The following MPRIP variants were observed in gnomAD, a reference collection of about 807,000 sequenced individuals.
MPRIP encodes the protein myosin phosphatase Rho-interacting protein.
Under a neutral mutation model 234.9 loss-of-function variants are expected in MPRIP, and 59 were observed. The ratio of observed to expected loss-of-function variants is 0.25; its 90% confidence interval spans 0.20 to 0.31. The LOEUF (loss-of-function observed/expected upper bound fraction) is 0.31, where lower values mean the gene tolerates loss of function less well. MPRIP is among the 10% of genes least tolerant of loss of function. The pLI is 1.00. For synonymous variants in MPRIP, 1,144 were observed against 1,263.9 expected, an observed-to-expected ratio of 0.91 and a Z score of 2.01; for missense variants, 2,436 against 3,071.0, an observed-to-expected ratio of 0.79 and a Z score of 4.89.
chr17:17,160,328 C>T (rs527909675), intron 14 of MPRIP, among the ~76,000 whole-genome samples: 50 of 152,086 alleles, frequency 3.3e-4, no homozygotes, highest in Admixed American at 7.9e-4. Flanking sequence ...ATCGCACCAT[C>T]GTACTCCAGC....
At chr17:17,134,770 G>A (rs1438180805) in intron 5 of MPRIP, among the ~76,000 whole-genome samples, 3 of 152,352 alleles carry the variant, frequency 2.0e-5, no homozygotes, top group African/African-American at 4.8e-5. Context: ...GGCTGTGTGC[G>A]TGTGGGCCTG....
At chr17:17,123,703 CAAAAAAAAA>C (rs371753802) in intron 3 of MPRIP, among the ~76,000 whole-genome samples, 16 of 59,296 alleles carry the variant, frequency 2.7e-4, no homozygotes, top group South Asian at 7.0e-4. Context: ...GACTTCGTCT[CAAAAAAAAA>C]AAAAAAAAAA....
At chr17:17,070,352 G>A (rs1238490625) in intron 1 of MPRIP, among the ~76,000 whole-genome samples, 10 of 152,042 alleles carry the variant, frequency 6.6e-5, no homozygotes, top group Non-Finnish European at 1.2e-4. Context: ...CCCTTTTTCC[G>A]CTTCACCCTT....
At chr17:17,121,261 A>G (rs1172199066) in intron 3 of MPRIP, among the ~76,000 whole-genome samples, 1 of 152,260 alleles carries the variant, frequency 6.6e-6, no homozygotes, top group South Asian at 2.1e-4. Context: ...GGTAGAGCCT[A>G]TTGCTGCGAA....
At chr17:17,123,080 C>G (rs927450462) in intron 3 of MPRIP, among the ~76,000 whole-genome samples, 1 of 152,226 alleles carries the variant, frequency 6.6e-6, no homozygotes, top group Non-Finnish European at 1.5e-5. Context: ...GCGGAGGAAC[C>G]TTGAAAATAT....
chr17:17,182,031 C>T (rs2046383812), intron 23 of MPRIP: 1 of 152,208 alleles, frequency 6.6e-6, no homozygotes, highest in South Asian at 2.1e-4. Context: ...TCCTGCTGGC[C>T]CCAGCAGAAA....
At position 17,078,301 on chromosome 17, in the gene MPRIP, G is replaced by A. The variant is rs2089383338; in HGVS notation, c.267+225G>A. 1.4e-5 allele frequency among the ~76,000 whole-genome samples: 2 copies of A among 139,530 alleles called. No homozygotes were observed. Among genetic ancestry groups the A allele is most frequent in the South Asian group, 4.1e-4 (2 of 4,826 alleles). 91.5% of individuals were successfully genotyped at this position (139,530 alleles called of 152,430 possible). ...CTTCTGTGGTCTTGAGTGAGAGGAA[G>A]AAGTGAGGGAGGAAGTCATTTCTGT... On this transcript the variant is annotated intron_variant, in intron 3 of 23. Coordinates refer to ENST00000651222, the MANE Select transcript of MPRIP (RefSeq NM_001364716.4). This position sits in a 1 kb window ranked among gnomAD's most constrained non-coding sequence, Gnocchi z 4.3.
chr17:17,098,149 C>T lies in MPRIP; in HGVS notation c.267+20073C>T, dbSNP rs544384089. On this transcript the variant is annotated intron_variant, in intron 3 of 23. Coordinates refer to ENST00000651222, the MANE Select transcript of MPRIP (RefSeq NM_001364716.4). ...TTCCAATGCCAAGTAGTGGCATTCA[C>T]GCACCTTTTGATAAGCGAGGAAACC... is the stretch of plus-strand genomic sequence containing the variant. Among the ~76,000 whole-genome samples the T allele has an allele frequency of 1.1e-3, 174 of 152,240 alleles. 2 individuals are homozygous for T. The highest frequency in any genetic ancestry group is 4.6e-3 in the South Asian group (22 of 4,824).
chr17:17,104,832 C>T (rs1293425046), intron 3 of MPRIP, among the ~76,000 whole-genome samples: 1 of 152,174 alleles, frequency 6.6e-6, no homozygotes, highest in African/African-American at 2.4e-5. Flanking sequence ...GTATGGGCCA[C>T]CAGCTTTGTC....
chr17:17,056,786 C>T (rs1018167796), intron 1 of MPRIP, among the ~76,000 whole-genome samples: 3 of 152,116 alleles, frequency 2.0e-5, no homozygotes, highest in Non-Finnish European at 2.9e-5. Flanking sequence ...TCACCCCCGC[C>T]TTTAGTCCCC....
intron 3 of MPRIP, among the ~76,000 whole-genome samples, chr17:17,115,957 G>A (rs891853564): frequency 3.9e-5 from 6 of 152,120 alleles, no homozygotes; most frequent in South Asian, 2.1e-4. Flanking sequence ...CTTTGCACAC[G>A]TGTCATCCTG....
At chr17:17,065,334 T>C (rs542259766) in intron 1 of MPRIP, among the ~76,000 whole-genome samples, 1 of 152,338 alleles carries the variant, frequency 6.6e-6, no homozygotes, top group Admixed American at 6.5e-5. Flanking sequence ...ATGTTTCATT[T>C]TGTCTTGTTT....
intron 3 of MPRIP, among the ~76,000 whole-genome samples, chr17:17,104,252 A>G (rs1281464999): frequency 2.6e-5 from 4 of 152,178 alleles, no homozygotes; most frequent in Non-Finnish European, 4.4e-5. Flanking sequence ...TGCACCATCT[A>G]ACATGGTGCC....
intron 1 of MPRIP, among the ~76,000 whole-genome samples, chr17:17,055,629 A>G (rs1164711168): frequency 7.9e-5 from 12 of 152,116 alleles, no homozygotes; most frequent in Non-Finnish European, 1.5e-5. Context: ...CCTGAGAACG[A>G]GCTCTTCTAA....
At position 17,073,997 on chromosome 17, in the gene MPRIP, C is replaced by T. The variant is rs115912110; in HGVS notation, c.124-1713C>T. The stretch of plus-strand genomic sequence containing the variant: ...GGGGAAAGCCAGTGCTCCTGGGGAC[C>T]TTGAGGACCCTGCAGGCGGAAGCCA... On this transcript the variant is annotated intron_variant, in intron 1 of 23. Transcript: ENST00000651222. 3.3e-3 allele frequency among the ~76,000 whole-genome samples: 503 copies of T among 152,304 alleles called. 3 individuals are homozygous for T. The highest frequency in any genetic ancestry group is 0.012 in the African/African-American group (488 of 41,570).
chr17:17,144,487 C>T (rs1260633578), intron 9 of MPRIP, among the ~76,000 whole-genome samples: 2 of 152,216 alleles, frequency 1.3e-5, no homozygotes, highest in African/African-American at 4.8e-5. Context: ...CTGCATAGGC[C>T]TTGCCATTGG....
At chr17:17,075,037 G>C (rs2089295491) in intron 1 of MPRIP, among the ~76,000 whole-genome samples, 1 of 152,160 alleles carries the variant, frequency 6.6e-6, no homozygotes, top group African/African-American at 2.4e-5. Flanking sequence ...GGGTAACTCT[G>C]CCTTTAACTT....
chr17:17,108,347 G>A (rs2090103663), intron 3 of MPRIP, among the ~76,000 whole-genome samples: 1 of 152,178 alleles, frequency 6.6e-6, no homozygotes, highest in African/African-American at 2.4e-5. Context: ...GGCCAGCCTG[G>A]GACAGACAGC....
At chr17:17,134,097 T>C (rs554158665) in intron 5 of MPRIP, among the ~76,000 whole-genome samples, 2 of 152,320 alleles carry the variant, frequency 1.3e-5, no homozygotes, top group East Asian at 3.9e-4. Context: ...CAGGCCCACA[T>C]GTGTGTCTCC....
Sources: gnomAD v4.1 joint callset for allele counts (sites outside exome capture counted in the v4.1 genomes callset) on GRCh38, gnomAD v4.1.1 for gene constraint, Gnocchi (gnomAD v3.1) non-coding constraint, MANE v1.5 for transcripts, NCBI Gene and HGNC (gene_info 2026-07-23, HGNC 2026-07-21) for gene names.